Variants in MYO5B observed in about 807,000 individuals in gnomAD.
MYO5B encodes the protein unconventional myosin-Vb.
In MYO5B, 143 loss-of-function variants were observed where a neutral mutation model predicts 229.3. That is an observed-to-expected ratio of 0.62 (90% CI 0.54 to 0.72). MYO5B has a LOEUF of 0.72. Ranked by LOEUF, MYO5B falls within the 30% of genes least tolerant of loss-of-function variation. The pLI is 0.00. For synonymous variants in MYO5B, 918 were observed against 885.2 expected, an observed-to-expected ratio of 1.04 and a Z score of -0.66; for missense variants, 2,321 against 2,331.0, an observed-to-expected ratio of 1.00 and a Z score of 0.09.
At chr18:50,153,857 G>T (rs530640773) in intron 1 of MYO5B, among the ~76,000 whole-genome samples, 5 of 152,322 alleles carry the variant, frequency 3.3e-5, no homozygotes, top group African/African-American at 1.2e-4. Flanking sequence ...GAGTGAGTGA[G>T]TGGGGATAGT....
chr18:49,920,825 G>A (rs192892545), intron 17 of MYO5B, among the ~76,000 whole-genome samples: 33 of 152,238 alleles, frequency 2.2e-4, no homozygotes, highest in Non-Finnish European at 4.6e-4. Context: ...GGTCTGAGGG[G>A]GCCCAGCTTC....
At chr18:49,899,266 T>G (rs552423475) in intron 21 of MYO5B, among the ~76,000 whole-genome samples, 3 of 152,162 alleles carry the variant, frequency 2.0e-5, no homozygotes, top group African/African-American at 7.2e-5. Context: ...AAAAAAAAAT[T>G]CACTTGCAAA....
At chr18:49,911,312 G>A (rs1032345522) in intron 18 of MYO5B, among the ~76,000 whole-genome samples, 8 of 152,230 alleles carry the variant, frequency 5.3e-5, no homozygotes, top group African/African-American at 1.9e-4. Context: ...AATTCTGCTG[G>A]AGTTCAGTCA....
intron 26 of MYO5B, 68 bp from the exon 27 acceptor site, chr18:49,872,300 C>T: frequency 6.5e-7 from 1 of 1,545,422 alleles, no homozygotes; most frequent in Non-Finnish European, 8.9e-7. Context: ...GTGTTTCCAA[C>T]TGTGGTCAAA....
chr18:50,051,902 G>C (rs1318330188), intron 2 of MYO5B, among the ~76,000 whole-genome samples: 1 of 152,166 alleles, frequency 6.6e-6, no homozygotes, highest in Non-Finnish European at 1.5e-5. Context: ...GTGTTTAATG[G>C]GGACCAAGTT....
chr18:50,093,858 T>C (rs780776464), intron 1 of MYO5B, among the ~76,000 whole-genome samples: 1 of 152,126 alleles, frequency 6.6e-6, no homozygotes, highest in East Asian at 1.9e-4. Flanking sequence ...AGTTACCCTA[T>C]ATGGTCTAAA....
chr18:50,130,736 G>T (rs2032242415), intron 1 of MYO5B, among the ~76,000 whole-genome samples: 1 of 152,074 alleles, frequency 6.6e-6, no homozygotes, highest in Non-Finnish European at 1.5e-5. Flanking sequence ...GTCTACACAG[G>T]ATGCCACAAA....
intron 4 of MYO5B, among the ~76,000 whole-genome samples, chr18:50,008,233 C>T (rs2026123887): frequency 1.3e-5 from 2 of 152,118 alleles, no homozygotes; most frequent in African/African-American, 4.8e-5. Flanking sequence ...TTTAACCATC[C>T]TACCTTCATA....
chr18:50,089,127 C>T (rs1000909042), intron 1 of MYO5B, among the ~76,000 whole-genome samples: 22 of 152,242 alleles, frequency 1.4e-4, no homozygotes, highest in African/African-American at 4.8e-4. Flanking sequence ...CACCTGTAAG[C>T]CCAGCACTTT....
At chr18:50,039,044 G>C (rs780715490) in intron 3 of MYO5B, among the ~76,000 whole-genome samples, 1 of 152,118 alleles carries the variant, frequency 6.6e-6, no homozygotes, top group Non-Finnish European at 1.5e-5. Context: ...CCAAACCAAA[G>C]TGGAATATAA....
At chr18:50,053,263 T>C (rs1308055288) in intron 2 of MYO5B, among the ~76,000 whole-genome samples, 1 of 152,174 alleles carries the variant, frequency 6.6e-6, no homozygotes. Flanking sequence ...CAGGCTTCCC[T>C]TCCAATTACA....
intron 9 of MYO5B, among the ~76,000 whole-genome samples, chr18:49,975,783 G>A (rs527247858): frequency 2.6e-5 from 4 of 151,962 alleles, no homozygotes; most frequent in South Asian, 2.1e-4. Flanking sequence ...CCAGGCCCCC[G>A]CCCCACCCCC....
At chr18:49,867,791 T>TA (rs1321014554) in intron 27 of MYO5B, among the ~76,000 whole-genome samples, 5 of 152,192 alleles carry the variant, frequency 3.3e-5, no homozygotes, top group African/African-American at 1.2e-4. Context: ...CCAGTAAAAC[T>TA]GATCCGTGTT....
Position 49,864,228 on chromosome 18 carries a change from C to T in MYO5B, c.3756G>A (p.Glu1252=). ...LLLNQLKLAH[E]ELEVRKEEVL... is the part of the protein sequence containing the mutation. ...CCTCCTCCTTGCGCACCTCGAGCTC[C>T]TCGTGGGCCAGCTTGAGCTGGTTCA... Residue 1252 remains glutamate, a synonymous_variant, in exon 28 of 40, where the codon GAG becomes GAA. Coordinates refer to ENST00000285039, the MANE Select transcript of MYO5B (RefSeq NM_001080467.3). 3.1e-6 allele frequency: 5 copies of T among 1,614,054 alleles called. No homozygotes were observed. The highest frequency in any genetic ancestry group is 4.2e-6 in the Non-Finnish European group (5 of 1,180,058).
intron 1 of MYO5B, among the ~76,000 whole-genome samples, chr18:50,069,216 T>C (rs2030894519): frequency 6.6e-6 from 1 of 152,118 alleles, no homozygotes; most frequent in African/African-American, 2.4e-5. Context: ...GTTTAAAACA[T>C]ACCCCTTATT....
chr18:49,923,905 A>C (rs895471897), intron 17 of MYO5B, among the ~76,000 whole-genome samples: 4 of 151,810 alleles, frequency 2.6e-5, no homozygotes, highest in African/African-American at 9.7e-5. Context: ...TAATGTTCAC[A>C]CCTCCTACCT....
At chr18:49,896,533 C>G (rs189860534) in intron 21 of MYO5B, among the ~76,000 whole-genome samples, 1 of 152,300 alleles carries the variant, frequency 6.6e-6, no homozygotes, top group East Asian at 1.9e-4. Flanking sequence ...CATCTCTGCT[C>G]TGGGCTGGAC....
At chr18:49,954,558 A>G in intron 12 of MYO5B, 123 bp from the exon 13 acceptor site, 2 of 1,252,240 alleles carry the variant, frequency 1.6e-6, no homozygotes, top group Non-Finnish European at 2.3e-6. Context: ...TCGAACCAGG[A>G]CCTTAACTGG....
rs771432109 is a variant in MYO5B, at chr18:49,847,294, G to T, written c.4316-5C>A. ...TCTGGGCCAATGCCTGGGCAGCTGA[G>T]CAGGAAAGAAAACAGGAAGCATGGA... is the stretch of plus-strand genomic sequence containing the variant. On this transcript the variant is annotated splice_region_variant and splice_polypyrimidine_tract_variant and intron_variant, in intron 32 of 39. Coordinates refer to ENST00000285039, the MANE Select transcript of MYO5B (RefSeq NM_001080467.3). 1.2e-6 allele frequency: 2 copies of T among 1,612,954 alleles called. No homozygotes were observed. Among genetic ancestry groups the T allele is most frequent in the Non-Finnish European group, 1.7e-6 (2 of 1,179,882 alleles).
Sources: gnomAD v4.1 joint callset for allele counts (sites outside exome capture counted in the v4.1 genomes callset) on GRCh38, gnomAD v4.1.1 for gene constraint, MANE v1.5 for transcripts, NCBI Gene and HGNC (gene_info 2026-07-23, HGNC 2026-07-21) for gene names.